CCDC91: variants seen among roughly 807,000 people sequenced by gnomAD.
CCDC91 encodes the protein coiled-coil domain containing 91, also known as coiled-coil domain-containing protein 91.
Under a neutral mutation model 63.2 loss-of-function variants are expected in CCDC91, and 48 were observed. That is an observed-to-expected ratio of 0.76 (90% CI 0.60 to 0.97). The LOEUF (loss-of-function observed/expected upper bound fraction) is 0.97, where lower values mean the gene tolerates loss of function less well. Among genes scored for constraint, CCDC91 ranks in the 50% least tolerant of loss-of-function variants. The pLI is 0.00. For missense variants in CCDC91, 500 were observed against 494.6 expected, an observed-to-expected ratio of 1.01 and a Z score of -0.10; for synonymous variants, 167 against 165.8, an observed-to-expected ratio of 1.01 and a Z score of -0.06.
chr12:28,323,004 A>T (rs1940662841), intron 6 of CCDC91, among the ~76,000 whole-genome samples: 1 of 151,226 alleles, frequency 6.6e-6, no homozygotes, highest in Non-Finnish European at 1.5e-5. Context: ...TTTTTAATTT[A>T]AAAAATTCTA....
Position 28,480,795 on chromosome 12 carries a change from G to A in CCDC91, c.1102-3257G>A, listed in dbSNP as rs77843242. Among the ~76,000 whole-genome samples, 28 of 152,090 alleles carry A rather than the reference G, an allele frequency of 1.8e-4. 1 individual carries two copies. The East Asian group carries it at 5.4e-3, about 29-fold the overall frequency. On this transcript the variant is annotated intron_variant, in intron 11 of 12. Coordinates refer to ENST00000536442, the MANE Select transcript of CCDC91 (RefSeq NM_018318.5). ...CCACAGACCAGAATTCAGTTAGTTG[G>A]TGATACTTGTTTTCTGTAAATAACT...
intron 3 of CCDC91, among the ~76,000 whole-genome samples, chr12:28,271,461 C>T (rs1947763552): frequency 1.3e-5 from 2 of 152,012 alleles, no homozygotes; most frequent in Non-Finnish European, 2.9e-5. Flanking sequence ...CTGTATCTTG[C>T]CAATTTTATT....
At chr12:28,297,452 C>G (rs1949624909) in intron 3 of CCDC91, among the ~76,000 whole-genome samples, 1 of 151,884 alleles carries the variant, frequency 6.6e-6, no homozygotes, top group South Asian at 2.1e-4. Flanking sequence ...AAATGAAGAA[C>G]TGCCATTCAT....
rs1938196275 is a variant in CCDC91 at position 28,503,189 on chromosome 12, C to T, written c.1215+19024C>T. ...AAATTTTCGCAACCTACTAATCTGA[C>T]AAAGGGCTAATATCCAGAATCTACA... On this transcript the variant is annotated intron_variant, in intron 12 of 12. Coordinates refer to ENST00000536442, the MANE Select transcript of CCDC91 (RefSeq NM_018318.5). Among the ~76,000 whole-genome samples the T allele has an allele frequency of 3.9e-5, 6 of 152,160 alleles. No homozygotes were observed. In the South Asian group the frequency reaches 1.2e-3, roughly 32 times the overall value.
At chr12:28,450,309 A>T in intron 9 of CCDC91, 41 bp from the exon 10 acceptor site, 1 of 1,588,300 alleles carries the variant, frequency 6.3e-7, no homozygotes, top group Non-Finnish European at 8.6e-7. Context: ...TACCTCAAAT[A>T]ATACATTTAA....
intron 8 of CCDC91, among the ~76,000 whole-genome samples, chr12:28,417,629 A>G (rs888977420): frequency 1.7e-5 from 2 of 115,206 alleles, no homozygotes; most frequent in African/African-American, 5.2e-5. Context: ...AGATATATAT[A>G]TATATATATA....
chr12:28,515,796 A>G (rs546535965), intron 12 of CCDC91, among the ~76,000 whole-genome samples: 5 of 152,000 alleles, frequency 3.3e-5, no homozygotes, highest in South Asian at 2.1e-4. Context: ...TTTTTCCTCA[A>G]TGAATTTTCA....
chr12:28,442,442 C>G (rs572916819), intron 8 of CCDC91, among the ~76,000 whole-genome samples: 1 of 152,034 alleles, frequency 6.6e-6, no homozygotes, highest in East Asian at 1.9e-4. Flanking sequence ...ATACATAACT[C>G]TGAAAAAAAT....
chr12:28,403,332 A>G (rs996221582), intron 8 of CCDC91, among the ~76,000 whole-genome samples: 20 of 152,226 alleles, frequency 1.3e-4, no homozygotes, highest in African/African-American at 4.6e-4. Context: ...GTAACAAAAT[A>G]CTATAAACTG....
intron 6 of CCDC91, chr12:28,319,191 G>A (rs1940222528): frequency 6.6e-6 from 1 of 151,802 alleles, no homozygotes; most frequent in South Asian, 2.1e-4. Context: ...GTGAATTTAA[G>A]CAAATAAACT....
intron 8 of CCDC91, among the ~76,000 whole-genome samples, chr12:28,415,035 A>C (rs1207995018): frequency 6.6e-6 from 1 of 152,186 alleles, no homozygotes; most frequent in Admixed American, 6.6e-5. Context: ...ACTTATGCGG[A>C]GATACCTCTA....
chr12:28,387,243 A>G (rs1945659963), intron 7 of CCDC91, among the ~76,000 whole-genome samples: 1 of 152,198 alleles, frequency 6.6e-6, no homozygotes, highest in Non-Finnish European at 1.5e-5. Context: ...TGGCACTAGT[A>G]ATCACACAAT....
rs752083063 is a variant in CCDC91 at position 28,259,469 on chromosome 12, T to G, written c.109+27T>G. Reference sequence around the variant, plus strand: ...TATTGGTATCCAGGAATTAGGGTTTTTTTTTTTTTTTTTCCCATGTAACAT... The same window carrying G: ...TATTGGTATCCAGGAATTAGGGTTTGTTTTTTTTTTTTTCCCATGTAACAT... On this transcript the variant is annotated intron_variant, in intron 3 of 12. Transcript: ENST00000536442. The G allele has an allele frequency of 8.5e-6, 12 of 1,406,550 alleles. No individual in the cohort carries two copies. The South Asian group carries it at 1.1e-4, about 13-fold the overall frequency. The allele number at this position is 1,406,550 out of a possible 1,614,324, so 87.1% of individuals were successfully genotyped here.
chr12:28,544,562 T>C (rs1362040678), intron 12 of CCDC91, among the ~76,000 whole-genome samples: 1 of 152,048 alleles, frequency 6.6e-6, no homozygotes, highest in African/African-American at 2.4e-5. Context: ...ATTTTGTTGG[T>C]AGAAGCTCAA....
At chr12:28,383,731 C>T (rs1215222566) in intron 7 of CCDC91, among the ~76,000 whole-genome samples, 1 of 152,102 alleles carries the variant, frequency 6.6e-6, no homozygotes, top group East Asian at 1.9e-4. Flanking sequence ...TTTAGATCAT[C>T]TCTTGATGAT....
In CCDC91 at chr12:28,515,159, T is replaced by A. The variant is rs1287037373; in HGVS notation, c.1215+30994T>A. ...TTTTTTCCCCCAACTGTACCACCAG[T>A]ACTCCAGATCTCAAAACCAGTGGTT... On this transcript the variant is annotated intron_variant, in intron 12 of 12. Coordinates refer to ENST00000536442, the MANE Select transcript of CCDC91 (RefSeq NM_018318.5). Among the ~76,000 whole-genome samples the A allele has an allele frequency of 3.3e-5, 5 of 151,962 alleles. No individual in the cohort carries two copies. The East Asian group carries it at 7.8e-4, about 24-fold the overall frequency.
chr12:28,267,729 T>TATTATATATAATTATATATTACTATATA (rs1555170444), intron 3 of CCDC91, among the ~76,000 whole-genome samples: 2,567 of 30,832 alleles, frequency 0.083, 700 homozygotes, highest in South Asian at 0.18. Flanking sequence ...ATATATTATT[T>TATTATATATAATTATATATTACTATATA]ATTATATATA....
chr12:28,396,644 T>TTG (rs1283305556), intron 8 of CCDC91, among the ~76,000 whole-genome samples: 389 of 15,752 alleles, frequency 0.025, 1 homozygote, highest in Middle Eastern at 0.083. Context: ...AAAGGAGATT[T>TTG]TGTGTGTGTG....
chr12:28,516,062 GCATTTCATGCTAAACATGTCAAAAT>G (rs1212450306), intron 12 of CCDC91, among the ~76,000 whole-genome samples: 1 of 151,970 alleles, frequency 6.6e-6, no homozygotes, highest in African/African-American at 2.4e-5. Context: ...TGACATTGAA[GCATTTCATGCTAAACATGTCAAAAT>G]GTTTTCTACA....
Sources: gnomAD v4.1 joint callset for allele counts (sites outside exome capture counted in the v4.1 genomes callset) on GRCh38, gnomAD v4.1.1 for gene constraint, MANE v1.5 for transcripts, NCBI Gene and HGNC (gene_info 2026-07-23, HGNC 2026-07-21) for gene names.